The following MOK variants were observed in gnomAD, a reference collection of about 807,000 sequenced individuals.
MOK encodes MAPK/MAK/MRK overlapping kinase.
In MOK, 59 loss-of-function variants were observed where a neutral mutation model predicts 54.2. That is an observed-to-expected ratio of 1.09 (90% confidence interval 0.88 to 1.35). MOK has a LOEUF of 1.35. MOK is among the 40% of genes most tolerant of loss of function. The probability of loss-of-function intolerance (pLI) is 0.00; values close to 1 mark genes in which losing one functional copy is unlikely to be tolerated. For missense variants in MOK, 517 were observed against 526.2 expected (o/e 0.98, Z 0.17); for synonymous variants, 210 against 202.7 (o/e 1.04, Z -0.31).
intron 2 of MOK, among the ~76,000 whole-genome samples, chr14:102,276,025 A>G (rs2068830597): frequency 6.6e-6 from 1 of 152,224 alleles, no homozygotes; most frequent in South Asian, 2.1e-4. Flanking sequence ...GCCAATAAGT[A>G]CATGATCAAG....
chr14:102,271,315 T>C (rs1435695620), intron 2 of MOK, among the ~76,000 whole-genome samples: 1 of 152,204 alleles, frequency 6.6e-6, no homozygotes, highest in Non-Finnish European at 1.5e-5. Flanking sequence ...TTGAGGTCAT[T>C]CCTTGTTCCA....
intron 7 of MOK, among the ~76,000 whole-genome samples, chr14:102,242,008 A>G (rs768122846): frequency 6.6e-6 from 1 of 152,032 alleles, no homozygotes; most frequent in Non-Finnish European, 1.5e-5. Context: ...GGACTGTCCA[A>G]CTCGCCCAGC....
chr14:102,218,918 C>T, the MOK span, among the ~76,000 whole-genome samples: 3 of 152,216 alleles, frequency 2.0e-5, no homozygotes, highest in African/African-American at 7.2e-5. Flanking sequence ...GCGGGCTCCC[C>T]TTGCCAGGTC....
At chr14:102,261,118 G>C (rs889637627) in intron 4 of MOK, among the ~76,000 whole-genome samples, 1 of 151,440 alleles carries the variant, frequency 6.6e-6, no homozygotes, top group Non-Finnish European at 1.5e-5. Flanking sequence ...ATAGCTGGGC[G>C]TGGTGGCATG....
intron 10 of MOK, 178 bp from the exon 11 acceptor site, chr14:102,229,835 G>A (rs2064504377): frequency 1.6e-6 from 1 of 616,872 alleles, no homozygotes; most frequent in African/African-American, 1.8e-5. Flanking sequence ...GCCCACTAGA[G>A]TCCCACGGGG....
At chr14:102,214,769 T>C in the MOK span, 2 of 979,474 alleles carry the variant, frequency 2.0e-6, no homozygotes, top group Non-Finnish European at 2.4e-6. Context: ...CTTCCTAACA[T>C]GAAATATTGG....
At chr14:102,251,869 T>C in intron 5 of MOK, 48 bp downstream of exon 5, 1 of 1,537,916 alleles carries the variant, frequency 6.5e-7, no homozygotes, top group South Asian at 1.2e-5. Flanking sequence ...AATCTGAATG[T>C]TAACACATTT....
intron 2 of MOK, among the ~76,000 whole-genome samples, chr14:102,269,579 T>C (rs1395921884): frequency 6.6e-6 from 1 of 151,838 alleles, no homozygotes; most frequent in Non-Finnish European, 1.5e-5. Flanking sequence ...TTCAAGTGAT[T>C]CTCCTGCCTC....
intron 7 of MOK, among the ~76,000 whole-genome samples, chr14:102,250,147 C>T (rs1055129459): frequency 6.6e-6 from 1 of 152,200 alleles, no homozygotes; most frequent in Non-Finnish European, 1.5e-5. Context: ...ATTTCTGTAG[C>T]AGTCTGTTGA....
rs11299524 is a variant in MOK at position 102,274,255 on chromosome 14, A to AT, written c.123-8344dup. On this transcript the variant is annotated intron_variant, in intron 2 of 11. Coordinates refer to ENST00000361847, the MANE Select transcript of MOK (RefSeq NM_014226.3). Reference sequence around the variant, plus strand: ...TACAGGTGTGAGCCACCGTACCTGCATTTTTTTTTTTTTTTTTGAGACAGG... The same window carrying AT: ...TACAGGTGTGAGCCACCGTACCTGCATTTTTTTTTTTTTTTTTTGAGACAGG... Among the ~76,000 whole-genome samples, 382 of 119,816 alleles carry AT rather than the reference A, an allele frequency of 3.2e-3. 2 individuals are homozygous for AT. The highest frequency in any genetic ancestry group is 7.1e-3 in the South Asian group (26 of 3,654). 78.6% of individuals were successfully genotyped at this position (119,816 alleles called of 152,430 possible).
At chr14:102,276,448 G>C (rs1445097622) in intron 2 of MOK, among the ~76,000 whole-genome samples, 2 of 151,958 alleles carry the variant, frequency 1.3e-5, no homozygotes, top group African/African-American at 4.8e-5. Context: ...GAGATAGCCA[G>C]CCTGGGTGAT....
Position 102,233,724 on chromosome 14 carries a change from C to T in MOK, c.656G>A (p.Gly219Asp). The change falls in exon 8 of 12, where the codon GGC becomes GAC. Residue 219 changes from glycine to aspartate, a missense_variant. Physicochemically the swap from Gly to Asp is moderately conservative, Grantham distance 94. Transcript: ENST00000361847. ...DQISKIHDVI[G>D]TPAQKILTKF... ...GGTGAGGATCTTCTGAGCGGGTGTGCCGATGACATCGTGGATTTTTGAGAT... is the reference window on the plus strand; with the variant it reads ...GGTGAGGATCTTCTGAGCGGGTGTGTCGATGACATCGTGGATTTTTGAGAT... The T allele has an allele frequency of 6.2e-7, 1 of 1,613,986 alleles. No homozygotes were observed. Among genetic ancestry groups the T allele is most frequent in the Non-Finnish European group, 8.5e-7 (1 of 1,179,910 alleles).
rs777024727 is a variant in MOK, at chr14:102,250,852, C to T, written c.550G>A (p.Asp184Asn). Residue 184 changes from aspartate (D) to asparagine (N), a missense_variant, in exon 7 of 12, where the codon GAC becomes AAC. Transcript: ENST00000361847. The part of the protein sequence containing the change: ...LTDGFYTYKM[D>N]LWSAGCVFYE... Reference sequence around the variant, plus strand: ...AACACACAGCCGGCGCTCCACAGGTCCATCTTGTACGTGTAGAACCCATCA... The same window carrying T: ...AACACACAGCCGGCGCTCCACAGGTTCATCTTGTACGTGTAGAACCCATCA... 1 of 1,614,026 alleles carries T rather than the reference C, an allele frequency of 6.2e-7. No individual in the cohort carries two copies. Among genetic ancestry groups the T allele is most frequent in the South Asian group, 1.1e-5 (1 of 91,068 alleles).
At position 102,258,511 on chromosome 14, in the gene MOK, G is replaced by A. The variant is rs112223557; in HGVS notation, c.283+5035C>T. Reference sequence around the variant, plus strand: ...TGTTTCCTGTCTCTCCTCATCAAGTGTGAGCTCCACATGGGTGGGAACTGT... The same window carrying A: ...TGTTTCCTGTCTCTCCTCATCAAGTATGAGCTCCACATGGGTGGGAACTGT... On this transcript the variant is annotated intron_variant, in intron 4 of 11. Transcript: ENST00000361847. Among the ~76,000 whole-genome samples the A allele has an allele frequency of 6.2e-3, 944 of 152,232 alleles. 14 individuals are homozygous for A. The highest frequency in any genetic ancestry group is 0.02 in the African/African-American group (844 of 41,516).
intron 2 of MOK, among the ~76,000 whole-genome samples, chr14:102,266,733 C>T (rs2067946961): frequency 6.6e-6 from 1 of 152,130 alleles, no homozygotes; most frequent in African/African-American, 2.4e-5. Flanking sequence ...TAGGCACCCG[C>T]CACCATGCCT....
At chr14:102,219,568 C>T (rs1433539284), downstream of MOK, among the ~76,000 whole-genome samples, 2 of 152,224 alleles carry the variant, frequency 1.3e-5, no homozygotes, top group East Asian at 3.8e-4. Flanking sequence ...CTTCGCCTTC[C>T]GGTTAACTCC....
At position 102,238,986 on chromosome 14, in the gene MOK, T is replaced by C. The variant is rs1266095451; in HGVS notation, c.591-5197A>G. 2.6e-5 allele frequency among the ~76,000 whole-genome samples: 4 copies of C among 152,190 alleles called. No homozygotes were observed. Among genetic ancestry groups the C allele is most frequent in the Admixed American group, 6.5e-5 (1 of 15,288 alleles). ...AACACAAGACTACTTCTCACTCTTA[T>C]AGACATCTTCTCTGGGTGGGTGGAG... On this transcript the variant is annotated intron_variant, in intron 7 of 11. Transcript: ENST00000361847. The surrounding 1 kb of genome is among the most constrained non-coding windows in gnomAD (Gnocchi z 4.8).
At position 102,249,879 on chromosome 14, in the gene MOK, A is replaced by G. The variant is rs1455697648; in HGVS notation, c.590+933T>C. Among the ~76,000 whole-genome samples the G allele has an allele frequency of 3.9e-5, 6 of 152,194 alleles. No individual in the cohort carries two copies. Among genetic ancestry groups the G allele is most frequent in the African/African-American group, 1.4e-4 (6 of 41,448 alleles). On this transcript the variant is annotated intron_variant, in intron 7 of 11. Coordinates refer to ENST00000361847, the MANE Select transcript of MOK (RefSeq NM_014226.3). This position sits in a 1 kb window ranked among gnomAD's most constrained non-coding sequence, Gnocchi z 5.3. Reference sequence around the variant, plus strand: ...GAGGAAATGCGGGTGAGCAGGAAACAGCTCCAAGTGGGGAGATGAGTGCCT... The same window carrying G: ...GAGGAAATGCGGGTGAGCAGGAAACGGCTCCAAGTGGGGAGATGAGTGCCT...
chr14:102,275,286 C>T (rs191764391), intron 2 of MOK, among the ~76,000 whole-genome samples: 60 of 152,228 alleles, frequency 3.9e-4, no homozygotes, highest in Admixed American at 3.1e-3. Context: ...ATGGATTGGC[C>T]GGGCACGGCG....
Sources: gnomAD v4.1 joint callset for allele counts (sites outside exome capture counted in the v4.1 genomes callset) on GRCh38, gnomAD v4.1.1 for gene constraint, Gnocchi (gnomAD v3.1) non-coding constraint, MANE v1.5 for transcripts, NCBI Gene and HGNC (gene_info 2026-07-23, HGNC 2026-07-21) for gene names.